The following TGIF1 variants were observed in gnomAD, a reference collection of about 807,000 sequenced individuals.
The protein encoded by TGIF1 is homeobox protein TGIF1.
A neutral mutation model predicts 19.3 loss-of-function variants in TGIF1; 4 were observed. That is an observed-to-expected ratio of 0.21 (90% confidence interval 0.10 to 0.47). The LOEUF is 0.47. Among genes scored for constraint, TGIF1 ranks in the 20% least tolerant of loss-of-function variants. The pLI is 0.98. For missense variants in TGIF1, 275 were observed against 341.4 expected (o/e 0.81, Z 1.53); for synonymous variants, 122 against 129.3 (o/e 0.94, Z 0.38).
upstream of TGIF1, chr18:3,450,035 G>C: frequency 4.0e-6 from 4 of 992,794 alleles, no homozygotes; most frequent in Non-Finnish European, 4.8e-6. Context: ...GAGTGACAGC[G>C]GCCGCCGCGC....
chr18:3,447,748 C>G, upstream of TGIF1: 2 of 1,614,186 alleles, frequency 1.2e-6, no homozygotes, highest in African/African-American at 1.3e-5. Context: ...ATATGACTTG[C>G]TCGGGCAAAA....
upstream of TGIF1, chr18:3,447,677 A>G: frequency 5.6e-6 from 9 of 1,597,766 alleles, no homozygotes; most frequent in Non-Finnish European, 7.7e-6. Flanking sequence ...CTTTCGCTAC[A>G]TCACAGAATT....
At chr18:3,445,435 G>A (rs1352702801), upstream of TGIF1, among the ~76,000 whole-genome samples, 1 of 152,000 alleles carries the variant, frequency 6.6e-6, no homozygotes, top group Non-Finnish European at 1.5e-5. Flanking sequence ...GTTAAAAAAT[G>A]AGAAGAAGGC....
intron 2 of TGIF1, among the ~76,000 whole-genome samples, chr18:3,440,276 G>A (rs2082665326): frequency 6.6e-6 from 1 of 151,810 alleles, no homozygotes; most frequent in South Asian, 2.1e-4. Context: ...GCTTGAACCT[G>A]GGAGGCAGAG....
At chr18:3,422,681 T>TTTTTG (rs2082418153) in intron 2 of TGIF1, among the ~76,000 whole-genome samples, 1 of 123,858 alleles carries the variant, frequency 8.1e-6, no homozygotes, top group Non-Finnish European at 1.7e-5. Context: ...GCCTTTTTTT[T>TTTTTG]TTTTTTTTTT....
Position 3,456,857 on chromosome 18 carries a change from C to T in TGIF1, c.243+277C>T, listed in dbSNP as rs2143411243. ...AGGAGGTTAAACCTTACTCTATTGT[C>T]CAGGAAACTGGTTTGATATTTAAAC... On this transcript the variant is annotated intron_variant, in intron 2 of 2. Coordinates refer to ENST00000343820, the MANE Select transcript of TGIF1 (RefSeq NM_003244.4). This position sits in a 1 kb window ranked among gnomAD's most constrained non-coding sequence, Gnocchi z 4.2. The T allele has an allele frequency of 1.6e-6, 1 of 607,230 alleles. No homozygotes were observed. The highest frequency in any genetic ancestry group is 2.7e-5 in the East Asian group (1 of 36,570). The allele number at this position is 607,230 out of a possible 1,614,324, so 37.6% of individuals were successfully genotyped here. A position where few individuals can be genotyped will look rare whatever the true frequency, so the allele number is the denominator to read the frequency against.
intron 2 of TGIF1, among the ~76,000 whole-genome samples, chr18:3,424,201 T>C (rs2082440985): frequency 6.6e-6 from 1 of 152,220 alleles, no homozygotes; most frequent in African/African-American, 2.4e-5. Flanking sequence ...TATTTTATTA[T>C]AAGTAATCAT....
chr18:3,431,791 AC>A (rs2082550189), intron 2 of TGIF1, among the ~76,000 whole-genome samples: 1 of 152,190 alleles, frequency 6.6e-6, no homozygotes, highest in African/African-American at 2.4e-5. Flanking sequence ...AGTTAACATT[AC>A]CAGTAAGGGG....
upstream of TGIF1, chr18:3,449,736 G>C (rs901057875): frequency 2.0e-6 from 2 of 985,368 alleles, no homozygotes; most frequent in African/African-American, 3.5e-5. Flanking sequence ...GGCTAGAGCA[G>C]GGCCAGTAGA....
Position 3,458,186 on chromosome 18 carries a change from G to A in TGIF1, c.*246G>A. On this transcript the variant is annotated 3_prime_UTR_variant, in exon 3 of 3. Coordinates refer to ENST00000343820, the MANE Select transcript of TGIF1 (RefSeq NM_003244.4). Reference sequence around the variant, plus strand: ...TGGTAGATTATTCATAATGTGAGATGGTTCCCAATATCATGTGATTTTTTT... The same window carrying A: ...TGGTAGATTATTCATAATGTGAGATAGTTCCCAATATCATGTGATTTTTTT... 2.1e-6 allele frequency: 1 copy of A among 479,882 alleles called. No individual in the cohort carries two copies. The allele number at this position is 479,882 out of a possible 1,614,324, so 29.7% of individuals were successfully genotyped here. A position where few individuals can be genotyped will look rare whatever the true frequency, so the allele number is the denominator to read the frequency against.
chr18:3,442,743 A>G (rs1433345790), intron 2 of TGIF1, among the ~76,000 whole-genome samples: 3 of 152,144 alleles, frequency 2.0e-5, no homozygotes, highest in Admixed American at 2.0e-4. Context: ...TAAATAAAAA[A>G]TCTTTAAAAA....
In TGIF1 at chr18:3,451,401, G is replaced by C; in HGVS notation, c.16+896G>C. 1.0e-6 allele frequency: 1 copy of C among 985,408 alleles called. No individual in the cohort carries two copies. Among genetic ancestry groups the C allele is most frequent in the Non-Finnish European group, 1.2e-6 (1 of 829,934 alleles). 61.0% of individuals were successfully genotyped at this position (985,408 alleles called of 1,614,324 possible). ...ACACCCCGAAAGGTCAGAGTGTGAA[G>C]TCCCTTTTGAAGTTAACAAAAATTG... On this transcript the variant is annotated intron_variant, in intron 1 of 2. Transcript: ENST00000343820. The surrounding 1 kb of genome is among the most constrained non-coding windows in gnomAD (Gnocchi z 5.4).
chr18:3,457,924 C>T lies in TGIF1; in HGVS notation c.803C>T (p.Ala268Val), dbSNP rs1015577459. ...CGGGCTGCAGAGATGGAGCTTCAGGCAAAACTTACAGCTTAACCCATTTTC... is the reference window on the plus strand; with the variant it reads ...CGGGCTGCAGAGATGGAGCTTCAGGTAAAACTTACAGCTTAACCCATTTTC... ...LKRAAEMELQ[A>V]KLTA is the part of the protein sequence containing the mutation. The change falls in exon 3 of 3, where the codon GCA (alanine) becomes GTA (valine). Residue 268 changes from alanine (A) to valine (V), a missense_variant. Coordinates refer to ENST00000343820, the MANE Select transcript of TGIF1 (RefSeq NM_003244.4). This position sits in a 1 kb window ranked among gnomAD's most constrained non-coding sequence, Gnocchi z 4.9. 2 of 1,600,386 alleles carry T rather than the reference C, an allele frequency of 1.2e-6. No homozygotes were observed. The highest frequency in any genetic ancestry group is 1.7e-6 in the Non-Finnish European group (2 of 1,179,960).
chr18:3,449,963 G>A (rs1236192332), upstream of TGIF1: 6 of 987,148 alleles, frequency 6.1e-6, no homozygotes, highest in African/African-American at 3.5e-5. Context: ...CGCGGCAGGC[G>A]GAAAGGATCG....
At chr18:3,417,166 T>C (rs2082343536) in intron 1 of TGIF1, among the ~76,000 whole-genome samples, 1 of 152,106 alleles carries the variant, frequency 6.6e-6, no homozygotes, top group Non-Finnish European at 1.5e-5. Flanking sequence ...TTGTTCGTTG[T>C]TTGTTTGTTT....
upstream of TGIF1, chr18:3,449,505 G>A (rs1167780855): frequency 2.0e-6 from 2 of 985,370 alleles, no homozygotes; most frequent in East Asian, 1.1e-4. Flanking sequence ...TAGCCCGGGG[G>A]AACAGACGTT....
rs1245004272 is a variant in TGIF1, at chr18:3,451,050, G to A, written c.16+545G>A. Among the ~76,000 whole-genome samples the A allele has an allele frequency of 1.4e-5, 2 of 147,950 alleles. No individual in the cohort carries two copies. The highest frequency in any genetic ancestry group is 2.5e-5 in the African/African-American group (1 of 40,068). ...GGGATGTGGTGTTTTTACGATCGAA[G>A]GAATGCGATTCTGGACCCCCTCATC... On this transcript the variant is annotated intron_variant, in intron 1 of 2. Coordinates refer to ENST00000343820, the MANE Select transcript of TGIF1 (RefSeq NM_003244.4). This position sits in a 1 kb window ranked among gnomAD's most constrained non-coding sequence, Gnocchi z 5.4.
intron 2 of TGIF1, among the ~76,000 whole-genome samples, chr18:3,437,059 T>C (rs1161023520): frequency 6.6e-6 from 1 of 151,154 alleles, no homozygotes; most frequent in Non-Finnish European, 1.5e-5. Flanking sequence ...GAGCCGAGAT[T>C]GCGCCACTGC....
At position 3,451,962 on chromosome 18, in the gene TGIF1, G is replaced by T; in HGVS notation, c.16+1457G>T. On this transcript the variant is annotated intron_variant, in intron 1 of 2. Transcript: ENST00000343820. The surrounding 1 kb of genome is among the most constrained non-coding windows in gnomAD (Gnocchi z 5.4). ...GGTGGGCCTCCCGGGAATAAGTGAG[G>T]GGCTCTGTGTTTCGAGGATGGTTCT... 2 of 1,564,706 alleles carry T rather than the reference G, an allele frequency of 1.3e-6. No homozygotes were observed. The highest frequency in any genetic ancestry group is 1.7e-6 in the Non-Finnish European group (2 of 1,153,198).
Sources: allele counts gnomAD v4.1 joint callset (sites outside exome capture counted in the v4.1 genomes callset), GRCh38; gene constraint gnomAD v4.1.1; non-coding constraint Gnocchi (gnomAD v3.1); transcripts MANE v1.5; gene names NCBI Gene and HGNC (gene_info 2026-07-23, HGNC 2026-07-21).